KRT33B: variants seen among roughly 807,000 people sequenced by gnomAD.
KRT33B encodes keratin, type I cuticular Ha3-II.
In KRT33B, 37 loss-of-function variants were observed where a neutral mutation model predicts 42.7. The observed-to-expected ratio is 0.87, with a 90% CI of 0.67 to 1.14. The LOEUF is 1.14. Ranked by LOEUF, KRT33B falls within the 50% of genes most tolerant of loss-of-function variation. The pLI is 0.00. For synonymous variants in KRT33B, 237 were observed against 221.2 expected, an observed-to-expected ratio of 1.07 and a Z score of -0.63; for missense variants, 523 against 515.1, an observed-to-expected ratio of 1.02 and a Z score of -0.15.
Position 41,363,665 on chromosome 17 carries a change from C to A in KRT33B, c.*171G>T. 1.9e-6 allele frequency: 1 copy of A among 533,164 alleles called. No individual in the cohort carries two copies. The allele number at this position is 533,164 out of a possible 1,614,324, so 33.0% of individuals were successfully genotyped here. A position where few individuals can be genotyped will look rare whatever the true frequency, so the allele number is the denominator to read the frequency against. The stretch of plus-strand genomic sequence containing the variant: ...ACCTGGGGTGAGGAGGATCAAGTAG[C>A]CCTAGGCTCAGAGTCAGACCCAAAC... On this transcript the variant is annotated 3_prime_UTR_variant, in exon 7 of 7. Coordinates refer to ENST00000251646, the MANE Select transcript of KRT33B (RefSeq NM_002279.5).
Position 41,363,812 on chromosome 17 carries a change from A to G in KRT33B, c.*24T>C. 1.3e-6 allele frequency: 2 copies of G among 1,497,850 alleles called. No individual in the cohort carries two copies. The highest frequency in any genetic ancestry group is 1.8e-6 in the Non-Finnish European group (2 of 1,082,586). 92.8% of individuals were successfully genotyped at this position (1,497,850 alleles called of 1,614,324 possible). ...CCGATGGTAGTTCTGTCTTCATGCT[A>G]TACTTCTGCTGGCCCCAGGGTATCT... On this transcript the variant is annotated 3_prime_UTR_variant, in exon 7 of 7. Transcript: ENST00000251646.
rs147583117 is a variant in KRT33B at position 41,369,479 on chromosome 17, C to G, written c.272G>C (p.Arg91Pro). Residue 91 changes from arginine (R) to proline (P), a missense_variant, in exon 1 of 7, where the codon CGG becomes CCG. Transcript: ENST00000251646. ...CAGCAAGGGCTCCTGCTGCTGAGAC[C>G]GCTCCCGGATGAGGTTCTCCAGCTC... ...NAELENLIRE[R>P]SQQQEPLLCP... 6 of 1,613,696 alleles carry G rather than the reference C, an allele frequency of 3.7e-6. No homozygotes were observed. Among genetic ancestry groups the G allele is most frequent in the Non-Finnish European group, 5.1e-6 (6 of 1,180,054 alleles).
Position 41,364,771 on chromosome 17 carries a change from G to C in KRT33B, c.1097+8C>G. On this transcript the variant is annotated splice_region_variant and intron_variant, in intron 6 of 6. Coordinates refer to ENST00000251646, the MANE Select transcript of KRT33B (RefSeq NM_002279.5). ...CCCTTGCAGGGGTGCCGTCCGCCAG[G>C]TACTCACTTGCAGTCCTCGCTCTCC... is the stretch of plus-strand genomic sequence containing the variant. 6.2e-7 allele frequency: 1 copy of C among 1,612,444 alleles called. No individual in the cohort carries two copies. The highest frequency in any genetic ancestry group is 8.5e-7 in the Non-Finnish European group (1 of 1,179,904).
chr17:41,365,511 C>G lies in KRT33B; in HGVS notation c.631G>C (p.Val211Leu). ...LRCQLGDRLN[V>L]EVDAAPAVDL... ...ACAGCGGGAGCAGCGTCCACCTCCACGTTGAGGCGGTCTCCAAGCTGGCAG... is the reference window on the plus strand; with the variant it reads ...ACAGCGGGAGCAGCGTCCACCTCCAGGTTGAGGCGGTCTCCAAGCTGGCAG... Residue 211 changes from valine (V) to leucine (L), a missense_variant, in exon 4 of 7, where the codon GTG (valine) becomes CTG (leucine). Val to Leu is a conservative substitution (Grantham distance 32). Transcript: ENST00000251646. 1.2e-6 allele frequency: 2 copies of G among 1,612,486 alleles called. No homozygotes were observed. Among genetic ancestry groups the G allele is most frequent in the South Asian group, 1.1e-5 (1 of 90,986 alleles).
intron 5 of KRT33B, 63 bp downstream of exon 5, chr17:41,365,112 G>A (rs2017678971): frequency 3.7e-6 from 6 of 1,609,182 alleles, no homozygotes; most frequent in East Asian, 2.2e-5. Flanking sequence ...GGCCCCAAGG[G>A]CATCCCCAAG....
chr17:41,367,349 C>T (rs528890029), intron 2 of KRT33B, among the ~76,000 whole-genome samples: 1 of 151,458 alleles, frequency 6.6e-6, no homozygotes, highest in East Asian at 1.9e-4. Context: ...AAATCACTTT[C>T]AAACTTACTC....
Position 41,366,549 on chromosome 17 carries a change from G to T in KRT33B, c.509C>A (p.Thr170Asn). Reference protein sequence around the residue: ...NSLRRILDELTLCRSDLEAQM... With the variant: ...NSLRRILDELNLCRSDLEAQM... ...GGCCTCCAGGTCAGACCTGCACAGG[G>T]TCAGCTCATCCAGAATCCTGCGCAG... The change falls in exon 3 of 7, where the codon ACC becomes AAC. Residue 170 changes from threonine to asparagine, a missense_variant. Transcript: ENST00000251646. 6.2e-7 allele frequency: 1 copy of T among 1,612,442 alleles called. No homozygotes were observed. The highest frequency in any genetic ancestry group is 8.5e-7 in the Non-Finnish European group (1 of 1,179,980).
chr17:41,364,028 C>G (rs1171881082), intron 6 of KRT33B, 75 bp from the exon 7 acceptor site: 2 of 993,746 alleles, frequency 2.0e-6, no homozygotes, highest in Non-Finnish European at 3.1e-6. Context: ...CAAAGAGACA[C>G]AGAAACAAGC....
intron 6 of KRT33B, among the ~76,000 whole-genome samples, chr17:41,364,156 C>T (rs1232929542): frequency 6.6e-6 from 1 of 151,214 alleles, no homozygotes; most frequent in East Asian, 1.9e-4. Flanking sequence ...CCCAGCCTTC[C>T]TTGTATGACC....
At position 41,369,564 on chromosome 17, in the gene KRT33B, G is replaced by A; in HGVS notation, c.187C>T (p.Leu63=). The change falls in exon 1 of 7, where the codon CTG becomes TTG. Residue 63 remains leucine (L), a synonymous_variant. Transcript: ENST00000251646. ...AGGTAGCTGGCCAGGCGGTCGTTCA[G>A]GAACTGCATAGTCTCCTTCTCGCTG... ...NGSEKETMQF[L]NDRLASYLEK... is the part of the protein sequence containing the mutation. The A allele has an allele frequency of 1.2e-6, 2 of 1,613,932 alleles. No individual in the cohort carries two copies.
chr17:41,369,542 T>C lies in KRT33B; in HGVS notation c.209A>G (p.Tyr70Cys). Residue 70 changes from tyrosine (Y) to cysteine (C), a missense_variant, in exon 1 of 7, where the codon TAC (tyrosine) becomes TGC (cysteine). Tyr to Cys is a radical substitution (Grantham distance 194, BLOSUM62 -2). Coordinates refer to ENST00000251646, the MANE Select transcript of KRT33B (RefSeq NM_002279.5). ...MQFLNDRLAS[Y>C]LEKVRQLERD... The stretch of plus-strand genomic sequence containing the variant: ...CTCCAGCTGACGCACCTTCTCCAGG[T>C]AGCTGGCCAGGCGGTCGTTCAGGAA... 2 of 1,614,060 alleles carry C rather than the reference T, an allele frequency of 1.2e-6. No individual in the cohort carries two copies. Among genetic ancestry groups the C allele is most frequent in the Non-Finnish European group, 1.7e-6 (2 of 1,180,038 alleles).
intron 1 of KRT33B, 103 bp from the exon 2 acceptor site, chr17:41,368,093 G>A (rs2144301376): frequency 9.1e-7 from 1 of 1,095,842 alleles, no homozygotes; most frequent in Non-Finnish European, 1.4e-6. Flanking sequence ...AAATAGCTTT[G>A]AGTCCTTTCA....
intron 4 of KRT33B, 46 bp from the exon 5 acceptor site, chr17:41,365,346 C>T: frequency 1.2e-6 from 2 of 1,609,870 alleles, no homozygotes; most frequent in Non-Finnish European, 1.7e-6. Flanking sequence ...CCTCCGGGGC[C>T]CTGGGGGGCC....
rs770330752 is a variant in KRT33B at position 41,364,967 on chromosome 17, G to A, written c.909C>T (p.Ser303=). 21 of 1,613,262 alleles carry A rather than the reference G, an allele frequency of 1.3e-5. No individual in the cohort carries two copies. Among genetic ancestry groups the A allele is most frequent in the African/African-American group, 5.4e-5 (4 of 74,124 alleles). The change falls in exon 6 of 7, where the codon AGC becomes AGT. Residue 303 remains serine (S), a synonymous_variant. Transcript: ENST00000251646. ...RYSLENTLTE[S]EARYSSQLSQ... is the part of the protein sequence containing the mutation. ...ACAGCTGGGAGCTGTAGCGGGCCTC[G>A]CTCTCTGTCAGCGTGTTTTCCAGAG...
Position 41,364,820 on chromosome 17 carries a change from C to G in KRT33B, c.1056G>C (p.Glu352Asp), listed in dbSNP as rs761886439. The G allele has an allele frequency of 5.6e-6, 9 of 1,612,990 alleles. No homozygotes were observed. The highest frequency in any genetic ancestry group is 7.6e-6 in the Non-Finnish European group (9 of 1,179,990). Residue 352 changes from glutamate to aspartate, a missense_variant, in exon 6 of 7, where the codon GAG (glutamate) becomes GAC (aspartate). Physicochemically the swap from Glu to Asp is conservative, Grantham distance 45. Coordinates refer to ENST00000251646, the MANE Select transcript of KRT33B (RefSeq NM_002279.5). ...CCAGCAGGCTCCGGTATGTGTTGATCTCACACTCCAGCCGCGCCCGCACGT... is the reference window on the plus strand; with the variant it reads ...CCAGCAGGCTCCGGTATGTGTTGATGTCACACTCCAGCCGCGCCCGCACGT... ...LLDVRARLECEINTYRSLLES... is the reference protein window; with the variant it reads ...LLDVRARLECDINTYRSLLES...
chr17:41,364,725 C>T, intron 6 of KRT33B, 54 bp downstream of exon 6: 1 of 1,602,966 alleles, frequency 6.2e-7, no homozygotes, highest in Non-Finnish European at 8.5e-7. Flanking sequence ...CTGTTTTATC[C>T]TACAGTAGAA....
At chr17:41,364,597 G>C (rs1293870606) in intron 6 of KRT33B, among the ~76,000 whole-genome samples, 182 bp downstream of exon 6, 1 of 151,498 alleles carries the variant, frequency 6.6e-6, no homozygotes, top group Non-Finnish European at 1.5e-5. Flanking sequence ...TTTTGTAAAA[G>C]AAAGTATCTT....
At chr17:41,364,669 C>T (rs988634131) in intron 6 of KRT33B, 110 bp downstream of exon 6, 8 of 1,382,960 alleles carry the variant, frequency 5.8e-6, no homozygotes, top group Middle Eastern at 2.6e-4. Context: ...ATAAAACTCT[C>T]GCCTCTACAG....
rs1296918607 is a variant in KRT33B at position 41,366,532 on chromosome 17, G to A, written c.526C>T (p.Leu176=). Residue 176 remains leucine (L), a synonymous_variant, in exon 3 of 7, where the codon CTG becomes TTG. Transcript: ENST00000251646. The part of the protein sequence containing the change: ...LDELTLCRSD[L]EAQMESLKEE... ...TTCAGGGACTCCATCTGGGCCTCCA[G>A]GTCAGACCTGCACAGGGTCAGCTCA... 34 of 1,612,590 alleles carry A rather than the reference G, an allele frequency of 2.1e-5. No individual in the cohort carries two copies. The highest frequency in any genetic ancestry group is 2.8e-5 in the Non-Finnish European group (33 of 1,180,024).
Sources: gnomAD v4.1 joint callset for allele counts (sites outside exome capture counted in the v4.1 genomes callset) on GRCh38, gnomAD v4.1.1 for gene constraint, MANE v1.5 for transcripts, NCBI Gene and HGNC (gene_info 2026-07-23, HGNC 2026-07-21) for gene names.